PMM1: variants seen among roughly 807,000 people sequenced by gnomAD.
The protein encoded by PMM1 is brain glucose-1,6-bisphosphatase.
PMM1 carries 25 observed loss-of-function variants against 34.0 expected under a neutral mutation model. The observed-to-expected ratio is 0.73, with a 90% CI of 0.54 to 1.03. The LOEUF is 1.03. Ranked by LOEUF, PMM1 falls within the 50% of genes least tolerant of loss-of-function variation. The pLI, the probability that PMM1 is intolerant of heterozygous loss-of-function variation, is 0.00. For synonymous variants in PMM1, 134 were observed against 143.9 expected (o/e 0.93, Z 0.49); for missense variants, 321 against 350.1 (o/e 0.92, Z 0.66).
At chr22:41,586,462 A>T (rs2067308804) in intron 1 of PMM1, 1 of 429,902 alleles carries the variant, frequency 2.3e-6, no homozygotes, top group Non-Finnish European at 3.8e-6. Context: ...TGTCTCTATG[A>T]AAAAAAAAAT....
intron 6 of PMM1, 28 bp downstream of exon 6, chr22:41,578,778 T>C (rs1602007061): frequency 4.4e-6 from 7 of 1,601,878 alleles, no homozygotes; most frequent in Non-Finnish European, 5.1e-6. Flanking sequence ...GTACCAGGCC[T>C]CCCAGGTCCT....
intron 6 of PMM1, 114 bp from the exon 7 acceptor site, chr22:41,578,037 A>C: frequency 1.4e-6 from 1 of 729,108 alleles, no homozygotes; most frequent in Non-Finnish European, 2.4e-6. Context: ...ACTGAGGGCC[A>C]GGAATAGGAC....
chr22:41,589,503 A>T, intron 1 of PMM1: 1 of 596,864 alleles, frequency 1.7e-6, no homozygotes, highest in Non-Finnish European at 3.0e-6. Flanking sequence ...AGCACTCCCA[A>T]GCAGAACACA....
intron 1 of PMM1, chr22:41,589,461 A>G: frequency 3.5e-6 from 2 of 573,430 alleles, no homozygotes; most frequent in Non-Finnish European, 6.2e-6. Flanking sequence ...CCCTGCTCGC[A>G]GCCTCCTCCC....
intron 1 of PMM1, chr22:41,588,517 C>A: frequency 5.2e-6 from 2 of 387,318 alleles, no homozygotes; most frequent in Middle Eastern, 1.3e-3. Flanking sequence ...CTGAACCCAG[C>A]CTAATTTTTG....
chr22:41,583,996 G>T lies in PMM1; in HGVS notation c.437C>A (p.Thr146Asn), dbSNP rs749651441. The part of the protein sequence containing the change: ...LNISPIGRSC[T>N]LEERIEFSEL... ...GGAGAACTCGATCCTCTCCTCCAGG[G>T]TGCAGCTCCGGCCGATGGGCGAGAT... Residue 146 changes from threonine (T) to asparagine (N), a missense_variant, in exon 5 of 8, where the codon ACC becomes AAC. By Grantham distance (65) the Thr-to-Asn change is moderately conservative. Transcript: ENST00000216259. 5.0e-6 allele frequency: 8 copies of T among 1,613,768 alleles called. No homozygotes were observed. In the African/African-American group the frequency reaches 1.1e-4, roughly 22 times the overall value.
chr22:41,585,759 C>T (rs535790140), intron 2 of PMM1, among the ~76,000 whole-genome samples: 103 of 152,282 alleles, frequency 6.8e-4, no homozygotes, highest in Non-Finnish European at 1.3e-3. Flanking sequence ...TCCCAAAGTG[C>T]TGGGATTACA....
chr22:41,578,379 G>C (rs1313655956), intron 6 of PMM1, among the ~76,000 whole-genome samples: 2 of 152,144 alleles, frequency 1.3e-5, no homozygotes, highest in African/African-American at 2.4e-5. Flanking sequence ...CAGCCTCTCT[G>C]GCCACTGGGG....
chr22:41,586,285 C>G, intron 1 of PMM1, 92 bp from the exon 2 acceptor site: 2 of 1,575,188 alleles, frequency 1.3e-6, no homozygotes, highest in East Asian at 2.3e-5. Context: ...ACCCAGGAAG[C>G]CCACATTCTA....
intron 6 of PMM1, 78 bp downstream of exon 6, chr22:41,578,728 C>A: frequency 8.0e-7 from 1 of 1,247,684 alleles, no homozygotes; most frequent in Non-Finnish European, 1.2e-6. Context: ...GGGGCCACAG[C>A]CTGGTCTTGG....
At chr22:41,583,917 G>C (rs1569055761) in intron 5 of PMM1, 42 bp downstream of exon 5, 4 of 1,171,462 alleles carry the variant, frequency 3.4e-6, no homozygotes, top group Non-Finnish European at 5.2e-6. Context: ...TAAATTGAGT[G>C]ACTGAGGCCC....
chr22:41,584,141 C>T (rs1297441035), intron 4 of PMM1, 83 bp from the exon 5 acceptor site: 1 of 1,322,240 alleles, frequency 7.6e-7, no homozygotes, highest in Non-Finnish European at 1.1e-6. Flanking sequence ...ACCCCAGCCT[C>T]CTAGGACTTC....
chr22:41,584,625 A>G, intron 2 of PMM1, 22 bp from the exon 3 acceptor site: 2 of 1,592,236 alleles, frequency 1.3e-6, no homozygotes, highest in Non-Finnish European at 8.6e-7. Context: ...CATAGAGGAC[A>G]GGAGGAAGAA....
chr22:41,577,573 T>C, intron 7 of PMM1, 133 bp from the exon 8 acceptor site: 4 of 1,051,754 alleles, frequency 3.8e-6, no homozygotes, highest in Non-Finnish European at 5.6e-6. Flanking sequence ...TTGTCAGACC[T>C]GCCCTGACTT....
chr22:41,589,352 G>A, intron 1 of PMM1: 3 of 436,244 alleles, frequency 6.9e-6, no homozygotes, highest in Non-Finnish European at 1.3e-5. Context: ...TGTGTCGTAG[G>A]GCTGAACTAG....
chr22:41,588,748 T>C, intron 1 of PMM1: 1 of 985,236 alleles, frequency 1.0e-6, no homozygotes, highest in African/African-American at 1.7e-5. Context: ...CCACAGAGGA[T>C]GGGGAGGGGC....
Position 41,577,308 on chromosome 22 carries a change from T to A in PMM1, c.*10A>T, listed in dbSNP as rs772029772. 6.2e-7 allele frequency: 1 copy of A among 1,612,672 alleles called. No individual in the cohort carries two copies. Among genetic ancestry groups the A allele is most frequent in the Non-Finnish European group, 8.5e-7 (1 of 1,180,004 alleles). ...CTTCAGAAGTCACGACACACAGATG[T>A]GGGCCCCGGTCACGCCTCATGAGCT... On this transcript the variant is annotated 3_prime_UTR_variant, in exon 8 of 8. Coordinates refer to ENST00000216259, the MANE Select transcript of PMM1 (RefSeq NM_002676.3).
intron 1 of PMM1, 164 bp from the exon 2 acceptor site, chr22:41,586,357 T>C (rs2067307659): frequency 7.5e-7 from 1 of 1,337,132 alleles, no homozygotes; most frequent in South Asian, 1.7e-5. Context: ...ACACTGTGGC[T>C]CAGGTCTGCA....
At chr22:41,580,832 T>A (rs1299674363) in intron 5 of PMM1, 1 of 151,650 alleles carries the variant, frequency 6.6e-6, no homozygotes, top group Non-Finnish European at 1.5e-5. Context: ...AATACAAAAA[T>A]TAGGCCGGGC....
Sources: allele counts gnomAD v4.1 joint callset (sites outside exome capture counted in the v4.1 genomes callset), GRCh38; gene constraint gnomAD v4.1.1; transcripts MANE v1.5; gene names NCBI Gene and HGNC (gene_info 2026-07-23, HGNC 2026-07-21).